Variants in DNAH10 observed in about 807,000 individuals in gnomAD.
DNAH10 encodes dynein axonemal heavy chain 10.
A neutral mutation model predicts 506.6 loss-of-function variants in DNAH10; 348 were observed. That is an observed-to-expected ratio of 0.69 (90% confidence interval 0.63 to 0.75). The LOEUF (loss-of-function observed/expected upper bound fraction) is 0.75, where lower values mean the gene tolerates loss of function less well. Ranked by LOEUF, DNAH10 falls within the 30% of genes least tolerant of loss-of-function variation. DNAH10 has a pLI of 0.00. For synonymous variants in DNAH10, 2,059 were observed against 2,198.6 expected, an observed-to-expected ratio of 0.94 and a Z score of 1.78; for missense variants, 5,179 against 5,787.1, an observed-to-expected ratio of 0.89 and a Z score of 3.41.
intron 51 of DNAH10, chr12:123,882,344 C>G (rs1952544192): frequency 6.6e-6 from 1 of 152,412 alleles, no homozygotes; most frequent in Admixed American, 6.5e-5. Context: ...CCTGCACACA[C>G]AGATCTGGGT....
At chr12:123,822,490 TCTGTATCTATAAC>T (rs1187789045) in intron 24 of DNAH10, among the ~76,000 whole-genome samples, 1 of 152,202 alleles carries the variant, frequency 6.6e-6, no homozygotes, top group African/African-American at 2.4e-5. Context: ...CTATATCTAA[TCTGTATCTATAAC>T]CTGTATCTAT....
At chr12:123,841,290 G>A (rs746504187) in intron 29 of DNAH10, 32 bp from the exon 30 acceptor site, 19 of 1,609,468 alleles carry the variant, frequency 1.2e-5, no homozygotes, top group South Asian at 5.5e-5. Flanking sequence ...ACTCCGTGCA[G>A]GTCTTACAGG....
chr12:123,916,619 C>G lies in DNAH10; in HGVS notation c.10885C>G (p.Leu3629Val), dbSNP rs765362266. 5 of 1,613,860 alleles carry G rather than the reference C, an allele frequency of 3.1e-6. No individual in the cohort carries two copies. The highest frequency in any genetic ancestry group is 4.2e-6 in the Non-Finnish European group (5 of 1,179,874). Residue 3629 changes from leucine to valine, a missense_variant, in exon 63 of 79, where the codon CTG becomes GTG. Leu to Val is a conservative substitution (Grantham distance 32, BLOSUM62 1). Around this residue, in one of 3 missense-constraint regions of DNAH10, gnomAD observed 4,844 missense variants for 5,430.5 expected, o/e 0.89. Coordinates refer to ENST00000673944, the MANE Select transcript of DNAH10 (RefSeq NM_001372106.1). This position sits in a 1 kb window ranked among gnomAD's most constrained non-coding sequence, Gnocchi z 4.6. ...CTCCCAAGGACGGCAGTTTATTATC[C>G]TGGGAGACAAGGAAGTGGACTATGA... The part of the protein sequence containing the change: ...KVSQGRQFII[L>V]GDKEVDYDSN...
intron 25 of DNAH10, among the ~76,000 whole-genome samples, 180 bp downstream of exon 25, chr12:123,827,078 A>G (rs1303959700): frequency 6.6e-6 from 1 of 152,148 alleles, no homozygotes; most frequent in Non-Finnish European, 1.5e-5. Flanking sequence ...GTGTCTGTAA[A>G]ACTGTCAACC....
At chr12:123,876,126 C>T (rs887049065) in intron 47 of DNAH10, among the ~76,000 whole-genome samples, 1 of 152,124 alleles carries the variant, frequency 6.6e-6, no homozygotes, top group Non-Finnish European at 1.5e-5. Context: ...TCGGAGGCTC[C>T]AGGGGCCAGG....
chr12:123,877,944 A>G, intron 48 of DNAH10, 36 bp downstream of exon 48: 1 of 1,592,068 alleles, frequency 6.3e-7, no homozygotes, highest in Non-Finnish European at 8.5e-7. Flanking sequence ...TATGCCCCAC[A>G]GGTATGATAG....
chr12:123,919,043 C>G lies in DNAH10; in HGVS notation c.11506+94C>G. On this transcript the variant is annotated intron_variant, in intron 65 of 78. Coordinates refer to ENST00000673944, the MANE Select transcript of DNAH10 (RefSeq NM_001372106.1). This position sits in a 1 kb window ranked among gnomAD's most constrained non-coding sequence, Gnocchi z 4.9. ...GTGATCTGTGAAAATGGAAAGTTACCAAATAGCATTTTTTCTTTTTTCTTT... is the reference window on the plus strand; with the variant it reads ...GTGATCTGTGAAAATGGAAAGTTACGAAATAGCATTTTTTCTTTTTTCTTT... The G allele has an allele frequency of 7.3e-7, 1 of 1,374,388 alleles. No homozygotes were observed. The highest frequency in any genetic ancestry group is 9.7e-7 in the Non-Finnish European group (1 of 1,034,378). The allele number at this position is 1,374,388 out of a possible 1,614,324, so 85.1% of individuals were successfully genotyped here. A position where few individuals can be genotyped will look rare whatever the true frequency, so the allele number is the denominator to read the frequency against.
At chr12:123,817,756 G>C (rs1959171995) in intron 21 of DNAH10, among the ~76,000 whole-genome samples, 1 of 152,160 alleles carries the variant, frequency 6.6e-6, no homozygotes, top group Non-Finnish European at 1.5e-5. Context: ...ATAAATTGGA[G>C]AGAGAGGATT....
intron 49 of DNAH10, 118 bp downstream of exon 49, chr12:123,879,475 G>A: frequency 7.0e-7 from 1 of 1,436,996 alleles, no homozygotes; most frequent in Non-Finnish European, 9.4e-7. Context: ...AGGTCAATGG[G>A]GCAAAGGAGG....
intron 73 of DNAH10, among the ~76,000 whole-genome samples, chr12:123,930,903 G>C (rs1321200094): frequency 6.6e-6 from 1 of 152,070 alleles, no homozygotes; most frequent in Non-Finnish European, 1.5e-5. Context: ...ACATGTCATT[G>C]GCTGGTCATG....
At chr12:123,910,388 A>G (rs1264535053) in intron 58 of DNAH10, 148 bp from the exon 59 acceptor site, 2 of 1,042,882 alleles carry the variant, frequency 1.9e-6, no homozygotes, top group African/African-American at 1.6e-5. Flanking sequence ...TCTTGGTTTG[A>G]CACCACGCTG....
intron 30 of DNAH10, among the ~76,000 whole-genome samples, chr12:123,844,600 T>G (rs1476847306): frequency 1.3e-5 from 2 of 152,232 alleles, no homozygotes; most frequent in Non-Finnish European, 2.9e-5. Context: ...CCTGCAAACC[T>G]GGGCAGTGTG....
chr12:123,898,809 C>G lies in DNAH10; in HGVS notation c.9635C>G (p.Ala3212Gly). ...CTGGAGGAGATCGCCGTCAACACCG[C>G]TGTAGGTGAGTGAGGGCGGGGCCAG... ...ALLEEIAVNT[A>G]VAEEKKKLAE... Residue 3212 changes from alanine to glycine, a missense_variant, in exon 56 of 79, where the codon GCT becomes GGT. Around this residue, in one of 3 missense-constraint regions of DNAH10, gnomAD observed 4,844 missense variants for 5,430.5 expected, o/e 0.89. Transcript: ENST00000673944. 6.2e-7 allele frequency: 1 copy of G among 1,607,980 alleles called. No homozygotes were observed. The highest frequency in any genetic ancestry group is 8.5e-7 in the Non-Finnish European group (1 of 1,176,764).
intron 47 of DNAH10, 121 bp downstream of exon 47, chr12:123,875,612 T>C: frequency 7.6e-6 from 9 of 1,186,146 alleles, no homozygotes; most frequent in Non-Finnish European, 1.1e-5. Flanking sequence ...TTTAAGGGCC[T>C]ATGAAAATGT....
intron 19 of DNAH10, among the ~76,000 whole-genome samples, chr12:123,812,867 G>A (rs1358229936): frequency 6.6e-6 from 1 of 152,108 alleles, no homozygotes; most frequent in Non-Finnish European, 1.5e-5. Flanking sequence ...GGTTCTGAGA[G>A]CATGAGAGCA....
chr12:123,828,406 G>A (rs931527529), intron 25 of DNAH10, among the ~76,000 whole-genome samples: 1 of 152,186 alleles, frequency 6.6e-6, no homozygotes, highest in African/African-American at 2.4e-5. Context: ...CACTCTCTTA[G>A]AGACTAAGAG....
Position 123,929,685 on chromosome 12 carries a change from A to G in DNAH10, c.12538A>G (p.Thr4180Ala), listed in dbSNP as rs780126186. ...CAAGGTCTGCATGGAAATTCTGAACACGTACTTAACGAAAGCCTTCCAGCA... is the reference window on the plus strand; with the variant it reads ...CAAGGTCTGCATGGAAATTCTGAACGCGTACTTAACGAAAGCCTTCCAGCA... ...DFQVCMEILN[T>A]YLTKAFQQRD... is the part of the protein sequence containing the mutation. The change falls in exon 72 of 79, where the codon ACG becomes GCG. Residue 4180 changes from threonine to alanine, a missense_variant. By Grantham distance (58) the Thr-to-Ala change is moderately conservative. Around this residue, in one of 3 missense-constraint regions of DNAH10, gnomAD observed 4,844 missense variants for 5,430.5 expected, o/e 0.89. Transcript: ENST00000673944. The G allele has an allele frequency of 3.7e-6, 6 of 1,613,564 alleles. 1 individual carries two copies. In the South Asian group the frequency reaches 6.6e-5, roughly 18 times the overall value.
chr12:123,896,171 A>AGAGAGAGAGAGAGAGAGAGAGAGG, intron 54 of DNAH10, among the ~76,000 whole-genome samples: 1 of 151,136 alleles, frequency 6.6e-6, no homozygotes, highest in East Asian at 1.9e-4. Flanking sequence ...AGAGAGAGAG[A>AGAGAGAGAGAGAGAGAGAGAGAGG]GAGAGAGAGA....
chr12:123,830,092 G>T (rs1195333783), intron 25 of DNAH10, among the ~76,000 whole-genome samples: 1 of 152,194 alleles, frequency 6.6e-6, no homozygotes, highest in Non-Finnish European at 1.5e-5. Context: ...CAGGTTCTCT[G>T]AAGCTAGGAG....
Sources: allele counts gnomAD v4.1 joint callset (sites outside exome capture counted in the v4.1 genomes callset), GRCh38; gene constraint gnomAD v4.1.1; regional missense constraint gnomAD v4.1.1; non-coding constraint Gnocchi (gnomAD v3.1); transcripts MANE v1.5; gene names NCBI Gene and HGNC (gene_info 2026-07-23, HGNC 2026-07-21).